The following NOTCH3 variants were observed in gnomAD, a reference collection of about 807,000 sequenced individuals.
NOTCH3 encodes neurogenic locus notch homolog protein 3.
A neutral mutation model predicts 213.3 loss-of-function variants in NOTCH3; 86 were observed. The observed-to-expected ratio is 0.40, with a 90% CI of 0.34 to 0.48. The LOEUF (loss-of-function observed/expected upper bound fraction) is 0.48, where lower values mean the gene tolerates loss of function less well. NOTCH3 is among the 20% of genes least tolerant of loss of function. The pLI is 0.57. For synonymous variants in NOTCH3, 1,354 were observed against 1,355.9 expected, an observed-to-expected ratio of 1.00 and a Z score of 0.03; for missense variants, 2,783 against 3,272.6, an observed-to-expected ratio of 0.85 and a Z score of 3.65.
At chr19:15,172,644 G>C (rs1351402698) in intron 25 of NOTCH3, among the ~76,000 whole-genome samples, 1 of 151,468 alleles carries the variant, frequency 6.6e-6, no homozygotes, top group Non-Finnish European at 1.5e-5. Flanking sequence ...CCACTAGCAG[G>C]ATACTTCTAT....
At chr19:15,192,339 C>T (rs753306839) in intron 3 of NOTCH3, 38 bp downstream of exon 3, 4 of 1,612,646 alleles carry the variant, frequency 2.5e-6, no homozygotes, top group East Asian at 4.5e-5. Context: ...ACTGACCACA[C>T]CCCCGACTAC....
At position 15,174,150 on chromosome 19, in the gene NOTCH3, G is replaced by C. The variant is rs2145408644; in HGVS notation, c.4654C>G (p.Gln1552Glu). ...CGGTGGTAAGGGAAGACCATGGCCT[G>C]GCCGTGCGCGTCCAGGCGGAAGCGC... ...SLRFRLDAHG[Q>E]AMVFPYHRPS... Residue 1552 changes from glutamine to glutamate, a missense_variant, in exon 25 of 33, where the codon CAG becomes GAG. Gln to Glu is a conservative substitution (Grantham distance 29). Coordinates refer to ENST00000263388, the MANE Select transcript of NOTCH3 (RefSeq NM_000435.3). The C allele has an allele frequency of 6.2e-7, 1 of 1,609,516 alleles. No homozygotes were observed. The highest frequency in any genetic ancestry group is 2.2e-5 in the East Asian group (1 of 44,868).
Position 15,181,629 on chromosome 19 carries a change from C to G in NOTCH3, c.2739G>C (p.Pro913=), listed in dbSNP as rs763718957. Residue 913 remains proline (P), a synonymous_variant, in exon 17 of 33, where the codon CCG becomes CCC. Transcript: ENST00000263388. ...CGCAGTGGAAGCCTCCGTAGCCTGG[C>G]GGGCAGGTGCAGGTGAAGGAGGCCA... ...DHVASFTCTC[P]PGYGGFHCEQ... is the part of the protein sequence containing the mutation. 2.7e-5 allele frequency: 42 copies of G among 1,551,192 alleles called. No individual in the cohort carries two copies. In the Admixed American group the frequency reaches 5.1e-4, roughly 19 times the overall value.
In NOTCH3 at chr19:15,181,115, C is replaced by T. The variant is rs1555728008; in HGVS notation, c.2840G>A (p.Ser947Asn). 6.2e-7 allele frequency: 1 copy of T among 1,609,640 alleles called. No homozygotes were observed. The highest frequency in any genetic ancestry group is 8.5e-7 in the Non-Finnish European group (1 of 1,178,706). ...GTCVDGVNSF[S>N]CLCRPGYTGA... Reference sequence around the variant, plus strand: ...TGTGTAGCCGGGACGGCACAGGCAGCTGAACGAGTTCACGCCGTCCACACA... The same window carrying T: ...TGTGTAGCCGGGACGGCACAGGCAGTTGAACGAGTTCACGCCGTCCACACA... Residue 947 changes from serine to asparagine, a missense_variant, in exon 18 of 33, where the codon AGC becomes AAC. By Grantham distance (46) the Ser-to-Asn change is conservative (BLOSUM62 1). Transcript: ENST00000263388.
rs187457876 is a variant in NOTCH3, at chr19:15,168,728, G to C, written c.5200-1317C>G. 2.3e-3 allele frequency among the ~76,000 whole-genome samples: 357 copies of C among 152,154 alleles called. 3 individuals carry two copies. Among genetic ancestry groups the C allele is most frequent in the African/African-American group, 8.1e-3 (336 of 41,508 alleles). On this transcript the variant is annotated intron_variant, in intron 28 of 32. Transcript: ENST00000263388. ...ACATGCCTATAATCCCAGCTACTCG[G>C]GAGGCTGAGGCAGGGGAATCACTTG...
At chr19:15,187,422 C>G (rs1045464213) in intron 10 of NOTCH3, 84 bp from the exon 11 acceptor site, 1 of 1,218,492 alleles carries the variant, frequency 8.2e-7, no homozygotes, top group African/African-American at 1.5e-5. Flanking sequence ...TGGTTCAGCT[C>G]TATCTGAGGC....
At chr19:15,200,724 C>T in intron 1 of NOTCH3, 64 bp downstream of exon 1, 1 of 1,169,730 alleles carries the variant, frequency 8.5e-7, no homozygotes, top group Non-Finnish European at 1.1e-6. Context: ...CAGCCCCGGC[C>T]TTGGGGGTTC....
At chr19:15,194,915 C>A (rs1168185173) in intron 2 of NOTCH3, among the ~76,000 whole-genome samples, 1 of 149,274 alleles carries the variant, frequency 6.7e-6, no homozygotes, top group Non-Finnish European at 1.5e-5. Flanking sequence ...CAAGATCGAG[C>A]CACTGCACTC....
intron 16 of NOTCH3, among the ~76,000 whole-genome samples, chr19:15,182,246 C>T (rs1040609370): frequency 1.3e-5 from 2 of 152,112 alleles, no homozygotes; most frequent in African/African-American, 2.4e-5. Context: ...GTGGCACACA[C>T]TTGTAATCCC....
At position 15,170,423 on chromosome 19, in the gene NOTCH3, G is replaced by C. The variant is rs1238748953; in HGVS notation, c.5022C>G (p.Leu1674=). 2 of 1,613,114 alleles carry C rather than the reference G, an allele frequency of 1.2e-6. No individual in the cohort carries two copies. Among genetic ancestry groups the C allele is most frequent in the Non-Finnish European group, 1.7e-6 (2 of 1,180,020 alleles). The part of the protein sequence containing the change: ...VARRKREHST[L]WFPEGFSLHK... ...GCAGTGAGAAGCCCTCAGGGAACCA[G>C]AGGGTGCTGTGCTCGCGCTTGCGCC... The change falls in exon 27 of 33, where the codon CTC becomes CTG. Residue 1674 remains leucine, a synonymous_variant. Coordinates refer to ENST00000263388, the MANE Select transcript of NOTCH3 (RefSeq NM_000435.3).
At chr19:15,199,037 T>C (rs2046990935) in intron 1 of NOTCH3, among the ~76,000 whole-genome samples, 1 of 152,200 alleles carries the variant, frequency 6.6e-6, no homozygotes, top group Non-Finnish European at 1.5e-5. Flanking sequence ...ACAAGCCGAC[T>C]GGACACCATC....
chr19:15,168,550 A>G (rs1295897724), intron 28 of NOTCH3, among the ~76,000 whole-genome samples: 6 of 152,034 alleles, frequency 3.9e-5, no homozygotes, highest in African/African-American at 1.2e-4. Context: ...AAATCATACA[A>G]TGGCCGGGCA....
In NOTCH3 at chr19:15,170,117, T is replaced by C. The variant is rs754111435; in HGVS notation, c.5168A>G (p.Asp1723Gly). The C allele has an allele frequency of 5.6e-6, 9 of 1,602,010 alleles. No homozygotes were observed. The highest frequency in any genetic ancestry group is 3.4e-5 in the Admixed American group (2 of 58,018). The change falls in exon 28 of 33, where the codon GAC becomes GGC. Residue 1723 changes from aspartate to glycine, a missense_variant. Asp to Gly is a moderately conservative substitution (Grantham distance 94, BLOSUM62 -1). This residue lies in a region of NOTCH3 where 636 missense variants were observed against 801.8 expected (regional missense o/e 0.79). Transcript: ENST00000263388. ...LMGEVATDWM[D>G]TECPEAKRLK... is the part of the protein sequence containing the mutation. ...CCGCTTGGCCTCTGGGCACTCTGTG[T>C]CCATCCAGTCTGTGGCCACCTCCCC...
intron 24 of NOTCH3, among the ~76,000 whole-genome samples, chr19:15,175,760 TG>T (rs1389470779): frequency 6.7e-6 from 1 of 150,078 alleles, no homozygotes; most frequent in Non-Finnish European, 1.5e-5. Flanking sequence ...AGGAGCCATG[TG>T]GGGGAAGGGA....
At chr19:15,186,840 G>T (rs78329155) in intron 12 of NOTCH3, 38 bp downstream of exon 12, 44 of 1,529,192 alleles carry the variant, frequency 2.9e-5, no homozygotes, top group Admixed American at 8.3e-5. Context: ...CTTCACCCTC[G>T]ATCTAAGGAC....
At position 15,170,774 on chromosome 19, in the gene NOTCH3, C is replaced by G. The variant is rs1408334111; in HGVS notation, c.4788G>C (p.Glu1596Asp). ...GGGCATCGGGGAAGCAGTGATCATT[C>G]TCAGGCGACTGCAGGCAGAGCCGGT... ...IDNRLCLQSPENDHCFPDAQS... is the reference protein window; with the variant it reads ...IDNRLCLQSPDNDHCFPDAQS... The change falls in exon 26 of 33, where the codon GAG becomes GAC. Residue 1596 changes from glutamate to aspartate, a missense_variant. Coordinates refer to ENST00000263388, the MANE Select transcript of NOTCH3 (RefSeq NM_000435.3). 1 of 1,613,082 alleles carries G rather than the reference C, an allele frequency of 6.2e-7. No homozygotes were observed. Among genetic ancestry groups the G allele is most frequent in the African/African-American group, 1.3e-5 (1 of 75,052 alleles).
At chr19:15,170,978 A>AC (rs1033552491) in intron 25 of NOTCH3, among the ~76,000 whole-genome samples, 153 bp from the exon 26 acceptor site, 8 of 151,842 alleles carry the variant, frequency 5.3e-5, no homozygotes, top group African/African-American at 1.9e-4. Flanking sequence ...CTGGCATCCA[A>AC]CCCCACTGCA....
intron 25 of NOTCH3, among the ~76,000 whole-genome samples, chr19:15,172,936 C>A (rs576797827): frequency 6.0e-5 from 9 of 149,026 alleles, no homozygotes; most frequent in Admixed American, 6.0e-4. Flanking sequence ...GGATTACAGG[C>A]GTGAGCCACC....
At chr19:15,179,602 A>C in intron 20 of NOTCH3, 106 bp from the exon 21 acceptor site, 38 of 1,198,870 alleles carry the variant, frequency 3.2e-5, no homozygotes, top group Non-Finnish European at 4.2e-5. Flanking sequence ...ACACACACAG[A>C]TGTTCAGCGC....
Sources: gnomAD v4.1 joint callset for allele counts (sites outside exome capture counted in the v4.1 genomes callset) on GRCh38, gnomAD v4.1.1 for gene constraint, gnomAD v4.1.1 regional missense constraint, MANE v1.5 for transcripts, NCBI Gene and HGNC (gene_info 2026-07-23, HGNC 2026-07-21) for gene names.